Variants in CCDC150 observed in about 807,000 individuals in gnomAD.
CCDC150 encodes the protein coiled-coil domain containing 150.
Under a neutral mutation model 156.5 loss-of-function variants are expected in CCDC150, and 151 were observed. That is an observed-to-expected ratio of 0.97 (90% CI 0.85 to 1.10). The LOEUF (loss-of-function observed/expected upper bound fraction) is 1.10, where lower values mean the gene tolerates loss of function less well. Among genes scored for constraint, CCDC150 ranks in the 50% least tolerant of loss-of-function variants. The pLI is 0.00. For missense variants in CCDC150, 1,312 were observed against 1,268.1 expected, an observed-to-expected ratio of 1.03 and a Z score of -0.53; for synonymous variants, 452 against 429.4, an observed-to-expected ratio of 1.05 and a Z score of -0.65.
chr2:196,731,192 C>T (rs1301617183), intron 26 of CCDC150, among the ~76,000 whole-genome samples: 2 of 151,970 alleles, frequency 1.3e-5, no homozygotes, highest in African/African-American at 2.4e-5. Context: ...TCCAAATCTC[C>T]CTATTAAATA....
intron 12 of CCDC150, 49 bp downstream of exon 12, chr2:196,676,780 T>C: frequency 6.8e-7 from 1 of 1,474,050 alleles, no homozygotes; most frequent in Non-Finnish European, 9.3e-7. Flanking sequence ...TGTGATGATG[T>C]TTTAAAATTG....
intron 14 of CCDC150, among the ~76,000 whole-genome samples, chr2:196,698,352 C>G (rs1012132795): frequency 1.3e-5 from 2 of 151,968 alleles, no homozygotes; most frequent in Admixed American, 6.6e-5. Context: ...TCTTTAGTGG[C>G]AAAATAGGAA....
At chr2:196,724,626 A>G (rs1489454782) in intron 21 of CCDC150, among the ~76,000 whole-genome samples, 1 of 152,204 alleles carries the variant, frequency 6.6e-6, no homozygotes, top group Non-Finnish European at 1.5e-5. Flanking sequence ...AAGGTCAGAC[A>G]TCATCTTACT....
intron 14 of CCDC150, among the ~76,000 whole-genome samples, chr2:196,699,922 G>A (rs550724342): frequency 2.6e-5 from 4 of 152,294 alleles, no homozygotes; most frequent in African/African-American, 9.6e-5. Context: ...TTAGAAGCAG[G>A]TGTGGTAGGT....
intron 26 of CCDC150, among the ~76,000 whole-genome samples, chr2:196,731,613 G>A (rs1387377505): frequency 1.3e-5 from 2 of 151,766 alleles, no homozygotes; most frequent in Non-Finnish European, 2.9e-5. Flanking sequence ...TCAAACTCCT[G>A]GACTCAAGTG....
intron 14 of CCDC150, among the ~76,000 whole-genome samples, chr2:196,696,945 G>A (rs536421205): frequency 5.3e-5 from 8 of 152,292 alleles, no homozygotes; most frequent in Non-Finnish European, 8.8e-5. Flanking sequence ...TTTACTGTGT[G>A]ACCTGGGCAG....
chr2:196,654,219 A>G (rs755830824), intron 2 of CCDC150, among the ~76,000 whole-genome samples: 17 of 152,298 alleles, frequency 1.1e-4, no homozygotes, highest in South Asian at 2.1e-4. Flanking sequence ...GTATGGGACT[A>G]TGGAACTCTT....
rs1692249295 is a variant in CCDC150 at position 196,641,838 on chromosome 2, G to A, written c.12+2060G>A. ...CTGGACTGTTATTTTGGAACCAACAGCATGTACTTGTATACGCTTTTGCCA... is the reference window on the plus strand; with the variant it reads ...CTGGACTGTTATTTTGGAACCAACAACATGTACTTGTATACGCTTTTGCCA... On this transcript the variant is annotated intron_variant, in intron 1 of 27. Coordinates refer to ENST00000389175, the MANE Select transcript of CCDC150 (RefSeq NM_001080539.2). Among the ~76,000 whole-genome samples, 3 of 152,180 alleles carry A rather than the reference G, an allele frequency of 2.0e-5. No homozygotes were observed. The South Asian group carries it at 6.2e-4, about 32-fold the overall frequency.
At position 196,674,329 on chromosome 2, in the gene CCDC150, A is replaced by G. The variant is rs370325951; in HGVS notation, c.1118A>G (p.Asp373Gly). 1 of 1,600,444 alleles carries G rather than the reference A, an allele frequency of 6.2e-7. No homozygotes were observed. Among genetic ancestry groups the G allele is most frequent in the Non-Finnish European group, 8.5e-7 (1 of 1,172,826 alleles). ...ATGGAAAAAGCCAGAATCATTGCTG[A>G]CCATCAGGCCATTCTGCAGGTATTC... ...VTMEKARIIA[D>G]HQAILQVEQK... The change falls in exon 10 of 28, where the codon GAC becomes GGC. Residue 373 changes from aspartate (D) to glycine (G), a missense_variant. Asp to Gly is a moderately conservative substitution (Grantham distance 94, BLOSUM62 -1). Transcript: ENST00000389175.
chr2:196,712,216 C>A lies in CCDC150; in HGVS notation c.1767C>A (p.Arg589=). 1 of 1,572,076 alleles carries A rather than the reference C, an allele frequency of 6.4e-7. No individual in the cohort carries two copies. The highest frequency in any genetic ancestry group is 2.3e-5 in the East Asian group (1 of 44,136). The change falls in exon 16 of 28, where the codon CGC becomes CGA. Residue 589 remains arginine, a synonymous_variant. Coordinates refer to ENST00000389175, the MANE Select transcript of CCDC150 (RefSeq NM_001080539.2). ...TDTSLQNDHL[R]KMNKYLQTKY... ...CCAGCTTACAGAATGATCATCTACG[C>A]AAGATGAATAAGTATTTACAGACTA...
chr2:196,694,892 T>C (rs572773889), intron 13 of CCDC150, among the ~76,000 whole-genome samples, 154 bp from the exon 14 acceptor site: 1 of 152,102 alleles, frequency 6.6e-6, no homozygotes, highest in Non-Finnish European at 1.5e-5. Context: ...ATCATAGAGC[T>C]ATCAGACTGA....
intron 6 of CCDC150, 70 bp downstream of exon 6, chr2:196,665,753 A>C: frequency 1.1e-6 from 1 of 870,186 alleles, no homozygotes; most frequent in Non-Finnish European, 1.7e-6. Context: ...TTTACCTATA[A>C]ACTTAAAATT....
intron 1 of CCDC150, among the ~76,000 whole-genome samples, chr2:196,641,685 C>T (rs565128146): frequency 3.3e-5 from 5 of 152,120 alleles, no homozygotes; most frequent in African/African-American, 4.8e-5. Context: ...CCCTGCCCCC[C>T]GCCTCATTGC....
At chr2:196,722,010 A>G (rs537406145) in intron 21 of CCDC150, among the ~76,000 whole-genome samples, 2 of 152,330 alleles carry the variant, frequency 1.3e-5, no homozygotes, top group South Asian at 2.1e-4. Context: ...AGGCTTTTCT[A>G]TTAACAGCTT....
At position 196,720,565 on chromosome 2, in the gene CCDC150, T is replaced by C. The variant is rs1281999790; in HGVS notation, c.2166-10T>C. On this transcript the variant is annotated splice_polypyrimidine_tract_variant and intron_variant, in intron 19 of 27. Coordinates refer to ENST00000389175, the MANE Select transcript of CCDC150 (RefSeq NM_001080539.2). The stretch of plus-strand genomic sequence containing the variant: ...TCTGTAGTCACTCTTTTTGTGCTTT[T>C]TATTTTTAGGGATCTCAATCAACAG... 6.2e-7 allele frequency: 1 copy of C among 1,611,776 alleles called. No individual in the cohort carries two copies. The highest frequency in any genetic ancestry group is 8.5e-7 in the Non-Finnish European group (1 of 1,178,428).
chr2:196,669,722 G>A (rs753594695), intron 7 of CCDC150, 111 bp from the exon 8 acceptor site: 1 of 722,080 alleles, frequency 1.4e-6, no homozygotes, highest in African/African-American at 1.8e-5. Flanking sequence ...AAATAGTTGG[G>A]TTCTCCTTAT....
chr2:196,662,656 G>A (rs530331537), intron 5 of CCDC150, among the ~76,000 whole-genome samples: 4 of 152,114 alleles, frequency 2.6e-5, no homozygotes, highest in Admixed American at 2.0e-4. Context: ...GGCCCCAGGG[G>A]TTGGCGACCC....
intron 17 of CCDC150, among the ~76,000 whole-genome samples, chr2:196,718,128 CT>C (rs1389207825): frequency 6.6e-6 from 1 of 152,030 alleles, no homozygotes; most frequent in African/African-American, 2.4e-5. Context: ...TCTTGTATTT[CT>C]TTCTAAATAC....
intron 4 of CCDC150, chr2:196,657,406 G>C (rs6434875): frequency 0.68 from 212,579 of 314,440 alleles, 72,970 homozygotes; most frequent in East Asian, 0.79. Flanking sequence ...TAGAGCCTGT[G>C]CTCTTCAGGA....
Sources: allele counts gnomAD v4.1 joint callset (sites outside exome capture counted in the v4.1 genomes callset), GRCh38; gene constraint gnomAD v4.1.1; transcripts MANE v1.5; gene names NCBI Gene and HGNC (gene_info 2026-07-23, HGNC 2026-07-21).